Variants in KHDC1 observed in about 807,000 individuals in gnomAD.
The protein encoded by KHDC1 is KH domain containing 1, also known as KH homology domain-containing protein 1.
In KHDC1, 21 loss-of-function variants were observed where a neutral mutation model predicts 24.7. The ratio of observed to expected loss-of-function variants is 0.85; its 90% CI spans 0.60 to 1.23. KHDC1 has a LOEUF of 1.23. Ranked by LOEUF, KHDC1 falls within the 50% of genes most tolerant of loss-of-function variation. The pLI is 0.00. For missense variants in KHDC1, 274 were observed against 298.5 expected, an observed-to-expected ratio of 0.92 and a Z score of 0.61; for synonymous variants, 98 against 111.7, an observed-to-expected ratio of 0.88 and a Z score of 0.77.
At chr6:73,257,493 G>A (rs1766901113) in intron 2 of KHDC1, among the ~76,000 whole-genome samples, 1 of 152,092 alleles carries the variant, frequency 6.6e-6, no homozygotes, top group Non-Finnish European at 1.5e-5. Flanking sequence ...CCGCCTCCCA[G>A]GTTCAAGAGA....
At chr6:73,259,383 A>C (rs1375720863) in intron 2 of KHDC1, among the ~76,000 whole-genome samples, 2 of 139,006 alleles carry the variant, frequency 1.4e-5, no homozygotes, top group Non-Finnish European at 3.0e-5. Context: ...ACTAGCCTGG[A>C]GTTCCTGGGC....
intron 2 of KHDC1, among the ~76,000 whole-genome samples, chr6:73,286,723 A>C (rs747136812): frequency 2.6e-5 from 4 of 152,140 alleles, no homozygotes; most frequent in Non-Finnish European, 4.4e-5. Flanking sequence ...CTCTACTAAA[A>C]ATCGTGAAAA....
At chr6:73,301,991 A>G (rs954450269) in intron 1 of KHDC1, among the ~76,000 whole-genome samples, 2 of 152,114 alleles carry the variant, frequency 1.3e-5, no homozygotes, top group African/African-American at 4.8e-5. Context: ...ATATGTTTAG[A>G]AAAAAATTCT....
rs528957645 is a variant in KHDC1 at position 73,292,008 on chromosome 6, G to A, written c.196C>T (p.Arg66Ter). The change falls in exon 2 of 5, where the codon CGA (arginine) becomes TGA (stop). Residue 66 changes from arginine to a stop codon, truncating the protein, a stop_gained. Coordinates refer to ENST00000370384, the Ensembl canonical transcript of KHDC1. LOFTEE classifies it high-confidence loss of function. ...ACTCGCATCACGCACCTTTTGGATC[G>A]GCATCTAGTCTTTCCGCTCCTTGAG... 1.6e-5 allele frequency: 26 copies of A among 1,613,858 alleles called. No homozygotes were observed. Among genetic ancestry groups the A allele is most frequent in the Admixed American group, 6.7e-5 (4 of 59,988 alleles).
At chr6:73,303,184 C>A (rs1265275906) in intron 1 of KHDC1, among the ~76,000 whole-genome samples, 1 of 152,082 alleles carries the variant, frequency 6.6e-6, no homozygotes, top group Non-Finnish European at 1.5e-5. Flanking sequence ...AAAAATATCT[C>A]ATGCTTTCAC....
At chr6:73,291,344 G>C (rs139574631) in intron 2 of KHDC1, 2 of 207,006 alleles carry the variant, frequency 9.7e-6, no homozygotes, top group Admixed American at 5.3e-5. Flanking sequence ...AAGAAAACAC[G>C]AACAGCTGAA....
chr6:73,244,716 G>A (rs1252643936), intron 2 of KHDC1, among the ~76,000 whole-genome samples: 4 of 150,402 alleles, frequency 2.7e-5, no homozygotes, highest in East Asian at 3.9e-4. Context: ...GGGGGGCTCC[G>A]TAAGCCAAGA....
intron 1 of KHDC1, chr6:73,300,699 T>C (rs967832637): frequency 7.9e-5 from 12 of 152,204 alleles, no homozygotes; most frequent in Non-Finnish European, 1.5e-4. Flanking sequence ...ATAAGCCCTG[T>C]ATGCAGGTAA....
intron 2 of KHDC1, among the ~76,000 whole-genome samples, chr6:73,288,823 AAG>A (rs1231443204): frequency 2.0e-5 from 3 of 148,434 alleles, no homozygotes; most frequent in South Asian, 2.1e-4. Context: ...AAAAAAAAAA[AAG>A]GTAATTACTG....
intron 2 of KHDC1, among the ~76,000 whole-genome samples, chr6:73,272,776 G>T (rs1270990295): frequency 1.3e-5 from 2 of 150,224 alleles, no homozygotes; most frequent in African/African-American, 4.9e-5. Context: ...ACTCCATCCC[G>T]GGGGGGAAAA....
chr6:73,253,454 G>A (rs1278376898), intron 2 of KHDC1, among the ~76,000 whole-genome samples: 3 of 152,146 alleles, frequency 2.0e-5, no homozygotes, highest in South Asian at 4.1e-4. Context: ...TCGGGAGGCT[G>A]AGGCAGGAGA....
At chr6:73,271,423 G>A (rs981039931) in intron 2 of KHDC1, among the ~76,000 whole-genome samples, 6 of 151,006 alleles carry the variant, frequency 4.0e-5, no homozygotes, top group Non-Finnish European at 1.5e-5. Flanking sequence ...TGGCCAGGCT[G>A]GTCTTGAACT....
intron 2 of KHDC1, chr6:73,262,906 G>A: frequency 1.0e-6 from 1 of 986,982 alleles, no homozygotes; most frequent in Non-Finnish European, 1.2e-6. Context: ...CGGGAACCCA[G>A]GCTTCTCTGT....
intron 2 of KHDC1, among the ~76,000 whole-genome samples, chr6:73,277,544 G>C (rs1376550132): frequency 6.6e-6 from 1 of 152,098 alleles, no homozygotes; most frequent in African/African-American, 2.4e-5. Flanking sequence ...TTATCAGTTA[G>C]TATAAAACTT....
chr6:73,309,417 G>T, intron 1 of KHDC1: 1 of 817,810 alleles, frequency 1.2e-6, no homozygotes, highest in South Asian at 2.9e-5. Flanking sequence ...TTTTAACATG[G>T]TGATTTGCAG....
At chr6:73,281,423 C>G (rs1210950092) in intron 2 of KHDC1, among the ~76,000 whole-genome samples, 5 of 151,042 alleles carry the variant, frequency 3.3e-5, no homozygotes, top group Non-Finnish European at 7.4e-5. Context: ...CAAGACCAGC[C>G]TTGCCAACAT....
At chr6:73,270,313 A>G (rs1767156895) in intron 2 of KHDC1, 1 of 152,202 alleles carries the variant, frequency 6.6e-6, no homozygotes, top group Non-Finnish European at 1.5e-5. Flanking sequence ...TAGTACGCAG[A>G]TAGGACTAAG....
intron 2 of KHDC1, among the ~76,000 whole-genome samples, chr6:73,271,030 C>T (rs886124186): frequency 1.3e-5 from 2 of 151,928 alleles, no homozygotes; most frequent in Admixed American, 6.6e-5. Flanking sequence ...ATATTTTCAT[C>T]GTTAATTAGT....
At chr6:73,283,084 T>TG (rs1401822143) in intron 2 of KHDC1, among the ~76,000 whole-genome samples, 3 of 152,246 alleles carry the variant, frequency 2.0e-5, no homozygotes, top group Non-Finnish European at 4.4e-5. Flanking sequence ...ATCATCAGGC[T>TG]GAAGTAGTCT....
Sources: gnomAD v4.1 joint callset for allele counts (sites outside exome capture counted in the v4.1 genomes callset) on GRCh38, gnomAD v4.1.1 for gene constraint, MANE v1.5 for transcripts, NCBI Gene and HGNC (gene_info 2026-07-23, HGNC 2026-07-21) for gene names.